ANK2: variants seen among roughly 807,000 people sequenced by gnomAD.
ANK2 encodes ankyrin-2.
A neutral mutation model predicts 360.5 loss-of-function variants in ANK2; 83 were observed. The observed-to-expected ratio is 0.23, with a 90% CI of 0.19 to 0.28. ANK2 has a LOEUF of 0.28. ANK2 is among the 10% of genes least tolerant of loss of function. ANK2 has a pLI of 1.00. For synonymous variants in ANK2, 1,740 were observed against 1,759.5 expected, an observed-to-expected ratio of 0.99 and a Z score of 0.28; for missense variants, 4,201 against 4,795.7, an observed-to-expected ratio of 0.88 and a Z score of 3.66.
chr4:113,031,183 T>A (rs1214278579), intron 2 of ANK2: 1 of 152,090 alleles, frequency 6.6e-6, no homozygotes, highest in East Asian at 1.9e-4. Context: ...ATATTACAAA[T>A]TTTAATTTAA....
At chr4:113,115,399 TA>T (rs897574553) in intron 1 of ANK2, among the ~76,000 whole-genome samples, 25 of 152,306 alleles carry the variant, frequency 1.6e-4, no homozygotes, top group African/African-American at 4.8e-4. Context: ...CCATATATGA[TA>T]AAAACTGCTC....
At chr4:113,229,237 G>A (rs1304855212) in intron 4 of ANK2, among the ~76,000 whole-genome samples, 1 of 152,196 alleles carries the variant, frequency 6.6e-6, no homozygotes, top group Non-Finnish European at 1.5e-5. Context: ...CTAAAACCAA[G>A]ATGTTGGCAT....
chr4:112,793,715 T>TC, the ANK2 span, among the ~76,000 whole-genome samples: 1 of 150,754 alleles, frequency 6.6e-6, no homozygotes. Flanking sequence ...TCTTTTTTTT[T>TC]TTTTTTTTGA....
chr4:112,939,139 A>G (rs1429365333), intron 2 of ANK2, among the ~76,000 whole-genome samples: 1 of 152,130 alleles, frequency 6.6e-6, no homozygotes, highest in Non-Finnish European at 1.5e-5. Flanking sequence ...TAAAACAAAT[A>G]TTTTATTTTA....
chr4:113,192,974 A>T (rs1253748527), intron 2 of ANK2, among the ~76,000 whole-genome samples: 10 of 151,522 alleles, frequency 6.6e-5, no homozygotes, highest in Non-Finnish European at 1.5e-4. Flanking sequence ...GGGAGAAAAG[A>T]TCAGTGGCCA....
intron 2 of ANK2, among the ~76,000 whole-genome samples, chr4:113,028,755 G>A (rs2059784649): frequency 6.6e-6 from 1 of 152,092 alleles, no homozygotes; most frequent in African/African-American, 2.4e-5. Flanking sequence ...TAAAATAAAT[G>A]AGAAGAATGA....
At position 113,020,437 on chromosome 4, in the gene ANK2, C is replaced by G. The variant is rs551203213; in HGVS notation, c.21+115923C>G. Among the ~76,000 whole-genome samples the G allele has an allele frequency of 2.4e-3, 363 of 152,290 alleles. 2 individuals carry two copies. Among genetic ancestry groups the G allele is most frequent in the African/African-American group, 8.3e-3 (346 of 41,550 alleles). ...TCTCTAACTCCTGGGCTCAAGCTAT[C>G]TCCCCACTTTGCCTCCTCAAGTGTT... On this transcript the variant is annotated intron_variant, in intron 2 of 30. Transcript: ENST00000503271.
intron 2 of ANK2, among the ~76,000 whole-genome samples, chr4:112,932,227 T>C (rs900784856): frequency 2.6e-5 from 4 of 151,976 alleles, no homozygotes; most frequent in African/African-American, 9.7e-5. Flanking sequence ...CATGTTGGCT[T>C]ATGCCTGTAA....
At chr4:113,296,744 A>G (rs956582948) in intron 22 of ANK2, among the ~76,000 whole-genome samples, 1 of 152,180 alleles carries the variant, frequency 6.6e-6, no homozygotes, top group East Asian at 1.9e-4. Flanking sequence ...GCCAGAATGG[A>G]TATCAGAATG....
Position 113,302,769 on chromosome 4 carries a change from T to C in ANK2, c.2478T>C (p.Thr826=). ...VTEEVTTTTT[T]ITEKHKLNVP... is the part of the protein sequence containing the mutation. ...ATTAATGATTTTTGTTTTTCCAGAC[T>C]ATTACAGAAAAACACAAACTAAATG... The change falls in exon 23 of 46, where the codon ACT becomes ACC. Residue 826 remains threonine, a splice_region_variant and synonymous_variant. Transcript: ENST00000357077. 6.2e-7 allele frequency: 1 copy of C among 1,613,166 alleles called. No individual in the cohort carries two copies. The highest frequency in any genetic ancestry group is 8.5e-7 in the Non-Finnish European group (1 of 1,179,168).
Position 113,069,057 on chromosome 4 carries a change from TGAAAA to T in ANK2, c.84+19259_84+19263del, listed in dbSNP as rs377135339. Among the ~76,000 whole-genome samples, 541 of 150,302 alleles carry T rather than the reference TGAAAA, an allele frequency of 3.6e-3. 1 individual carries two copies. The highest frequency in any genetic ancestry group is 0.012 in the African/African-American group (487 of 40,768). ...GGCAACACAGCGAGACCCTGTCTAA[TGAAAA>T]GAAAAGAAAAGAAGAGAAAAGAAAA... On this transcript the variant is annotated intron_variant, in intron 1 of 45. Transcript: ENST00000357077.
chr4:112,776,578 G>A, the ANK2 span, among the ~76,000 whole-genome samples: 3 of 152,294 alleles, frequency 2.0e-5, no homozygotes, highest in East Asian at 5.8e-4. Flanking sequence ...AACCTTTCTT[G>A]TACTTGCTGT....
intron 5 of ANK2, among the ~76,000 whole-genome samples, chr4:113,232,659 A>G (rs931226988): frequency 6.6e-6 from 1 of 151,518 alleles, no homozygotes; most frequent in Non-Finnish European, 1.5e-5. Context: ...ATTCATAAGT[A>G]TCTGTGTTAG....
intron 9 of ANK2, among the ~76,000 whole-genome samples, chr4:113,249,282 A>G (rs2044742388): frequency 6.6e-6 from 1 of 152,262 alleles, no homozygotes; most frequent in African/African-American, 2.4e-5. Flanking sequence ...TGACAATTCA[A>G]AAGAGAACAT....
chr4:112,872,355 G>A (rs78178887), intron 1 of ANK2, among the ~76,000 whole-genome samples: 1 of 140,282 alleles, frequency 7.1e-6, no homozygotes, highest in South Asian at 2.2e-4. Flanking sequence ...TTTTTTTTTT[G>A]AGACAGAGTT....
rs572143002 is a variant in ANK2, at chr4:113,140,547, T to C, written c.85-33869T>C. Among the ~76,000 whole-genome samples, 4 of 152,348 alleles carry C rather than the reference T, an allele frequency of 2.6e-5. No individual in the cohort carries two copies. In the East Asian group the frequency reaches 7.7e-4, roughly 29 times the overall value. ...CCTTTTTAAATTTGTGTGATGTTCT[T>C]GAATAATCCTTGGATCTTGGAGGAG... On this transcript the variant is annotated intron_variant, in intron 1 of 45. Transcript: ENST00000357077.
rs543444418 is a variant in ANK2 at position 113,265,003 on chromosome 4, C to T, written c.1485+8C>T. On this transcript the variant is annotated splice_region_variant and intron_variant, in intron 14 of 45. Coordinates refer to ENST00000357077, the MANE Select transcript of ANK2 (RefSeq NM_001148.6). The stretch of plus-strand genomic sequence containing the variant: ...GTTGATGCCAGAGCCAGGGTAGGTA[C>T]TGGTGCCCTGAGGTTCTCTTCTATC... 1 of 1,555,778 alleles carries T rather than the reference C, an allele frequency of 6.4e-7. No individual in the cohort carries two copies. Among genetic ancestry groups the T allele is most frequent in the East Asian group, 2.4e-5 (1 of 41,660 alleles).
chr4:112,705,651 G>A, the ANK2 span, among the ~76,000 whole-genome samples: 1 of 152,266 alleles, frequency 6.6e-6, no homozygotes, highest in Non-Finnish European at 1.5e-5. Flanking sequence ...CCGCGGAGGA[G>A]CCTCCTTCTC....
intron 1 of ANK2, among the ~76,000 whole-genome samples, chr4:113,144,966 A>G (rs1053194681): frequency 3.3e-5 from 5 of 151,876 alleles, no homozygotes; most frequent in African/African-American, 7.3e-5. Context: ...TGCTCATCTC[A>G]GTGGGAAACA....
Sources: gnomAD v4.1 joint callset for allele counts (sites outside exome capture counted in the v4.1 genomes callset) on GRCh38, gnomAD v4.1.1 for gene constraint, MANE v1.5 for transcripts, NCBI Gene and HGNC (gene_info 2026-07-23, HGNC 2026-07-21) for gene names.